CHLSN: variants seen among roughly 807,000 people sequenced by gnomAD.
CHLSN encodes the protein protein cholesin.
the CHLSN span, among the ~76,000 whole-genome samples, chr7:1,061,202 T>C: frequency 6.6e-6 from 1 of 152,158 alleles, no homozygotes; most frequent in Admixed American, 6.5e-5. Context: ...CTCATTTCTG[T>C]GGGTCTGTTG....
At chr7:1,097,745 T>A in the CHLSN span, among the ~76,000 whole-genome samples, 1 of 152,086 alleles carries the variant, frequency 6.6e-6, no homozygotes, top group Non-Finnish European at 1.5e-5. The surrounding 1 kb of genome is among the most constrained non-coding windows in gnomAD (Gnocchi z 4.3). Context: ...CCTCGCTGGG[T>A]GATCACATGG....
chr7:1,035,358 T>C, the CHLSN span, among the ~76,000 whole-genome samples: 2 of 152,272 alleles, frequency 1.3e-5, no homozygotes, highest in African/African-American at 4.8e-5. Context: ...TGGAAAGATT[T>C]ATATTCCTCT....
At chr7:1,034,490 G>C in the CHLSN span, among the ~76,000 whole-genome samples, 1 of 152,138 alleles carries the variant, frequency 6.6e-6, no homozygotes. Context: ...ACGATGACTA[G>C]AAGGAACTGC....
At chr7:1,132,529 C>CA in the CHLSN span, among the ~76,000 whole-genome samples, 1 of 151,876 alleles carries the variant, frequency 6.6e-6, no homozygotes, top group African/African-American at 2.4e-5. Context: ...TCCATCTCTA[C>CA]AAAAAATACA....
chr7:1,012,374 T>C, the CHLSN span, among the ~76,000 whole-genome samples: 1 of 152,138 alleles, frequency 6.6e-6, no homozygotes, highest in East Asian at 1.9e-4. Flanking sequence ...CTGGGGTGGA[T>C]GGCGAGGGGA....
At chr7:1,107,208 G>A in the CHLSN span, among the ~76,000 whole-genome samples, 5,155 of 152,208 alleles carry the variant, frequency 0.034, 285 homozygotes, top group African/African-American at 0.12. Flanking sequence ...AAAAACTGCC[G>A]CTTAGCCCTG....
At chr7:1,031,179 G>C in the CHLSN span, among the ~76,000 whole-genome samples, 2 of 152,234 alleles carry the variant, frequency 1.3e-5, no homozygotes, top group African/African-American at 4.8e-5. Flanking sequence ...ACGGGATGCC[G>C]TTCCACACGC....
chr7:1,006,972 C>T, the CHLSN span, among the ~76,000 whole-genome samples: 1 of 152,226 alleles, frequency 6.6e-6, no homozygotes, highest in Non-Finnish European at 1.5e-5. Context: ...AGGTCACAGG[C>T]CAAGGTCACC....
the CHLSN span, among the ~76,000 whole-genome samples, chr7:999,733 G>A: frequency 4.6e-5 from 7 of 152,320 alleles, no homozygotes; most frequent in South Asian, 8.3e-4. Context: ...CCCCCAGCGC[G>A]CACGCAAAGC....
At chr7:990,809 T>TG in the CHLSN span, among the ~76,000 whole-genome samples, 5 of 152,184 alleles carry the variant, frequency 3.3e-5, no homozygotes, top group Admixed American at 3.3e-4. Flanking sequence ...TGGCGCCAGG[T>TG]GGGGCCACGC....
the CHLSN span, among the ~76,000 whole-genome samples, chr7:1,059,689 G>A: frequency 1.6e-4 from 23 of 140,846 alleles, no homozygotes; most frequent in East Asian, 2.3e-4. Flanking sequence ...GTCCGTAGTG[G>A]GGCGGGTCTG....
the CHLSN span, among the ~76,000 whole-genome samples, chr7:1,027,355 G>A: frequency 6.6e-6 from 1 of 152,260 alleles, no homozygotes; most frequent in Non-Finnish European, 1.5e-5. Flanking sequence ...AGGCAGCCCG[G>A]TTCGCGTGTC....
the CHLSN span, chr7:1,058,010 C>T: frequency 2.9e-4 from 221 of 770,092 alleles, no homozygotes; most frequent in African/African-American, 3.4e-3. Context: ...CGCTGCTCTT[C>T]TACATCTGCA....
chr7:1,124,745 C>CAAAAA, the CHLSN span, among the ~76,000 whole-genome samples: 7 of 122,146 alleles, frequency 5.7e-5, no homozygotes, highest in African/African-American at 2.1e-4. Context: ...TAAAAAAGCA[C>CAAAAA]AAAAAAAAAA....
chr7:988,324 A>C, the CHLSN span: 3 of 1,611,626 alleles, frequency 1.9e-6, no homozygotes, highest in Non-Finnish European at 2.5e-6. Context: ...TGGATGAGAC[A>C]CAGTGGCAGA....
At chr7:987,304 G>A in the CHLSN span, 9 of 1,527,584 alleles carry the variant, frequency 5.9e-6, no homozygotes, top group Middle Eastern at 1.8e-4. Flanking sequence ...CCCCAGGGAC[G>A]AGGGATGGCG....
At chr7:1,012,253 C>T in the CHLSN span, among the ~76,000 whole-genome samples, 171 of 152,350 alleles carry the variant, frequency 1.1e-3, no homozygotes, top group African/African-American at 3.8e-3. Context: ...CGTGGGGCAC[C>T]CGGACAGGCC....
At chr7:1,057,910 C>T in the CHLSN span, 15 of 775,464 alleles carry the variant, frequency 1.9e-5, no homozygotes, top group South Asian at 1.1e-4. Context: ...ATCGAGCGTG[C>T]ACTGCCGCGG....
At chr7:1,066,397 CG>C in the CHLSN span, among the ~76,000 whole-genome samples, 1 of 152,218 alleles carries the variant, frequency 6.6e-6, no homozygotes, top group Non-Finnish European at 1.5e-5. Context: ...ATGCCAGCTC[CG>C]GGCCATGCTG....
Sources: allele counts gnomAD v4.1 joint callset (sites outside exome capture counted in the v4.1 genomes callset), GRCh38; gene constraint gnomAD v4.1.1; non-coding constraint Gnocchi (gnomAD v3.1); transcripts MANE v1.5; gene names NCBI Gene and HGNC (gene_info 2026-07-23, HGNC 2026-07-21).